The following CENPP variants were observed in gnomAD, a reference collection of about 807,000 sequenced individuals.
CENPP encodes centromere protein P.
CENPP carries 24 observed loss-of-function variants against 35.6 expected under a neutral mutation model. That is an observed-to-expected ratio of 0.67 (90% CI 0.49 to 0.95). The LOEUF (loss-of-function observed/expected upper bound fraction) is 0.95, where lower values mean the gene tolerates loss of function less well. Ranked by LOEUF, CENPP falls within the 40% of genes least tolerant of loss-of-function variation. The probability of loss-of-function intolerance (pLI) is 0.00; values close to 1 mark genes in which losing one functional copy is unlikely to be tolerated. For synonymous variants in CENPP, 120 were observed against 125.5 expected, an observed-to-expected ratio of 0.96 and a Z score of 0.29; for missense variants, 332 against 345.3, an observed-to-expected ratio of 0.96 and a Z score of 0.31.
chr9:92,618,350 G>A lies in CENPP; in HGVS notation c.*5201G>A, dbSNP rs1330457322. 1.5e-5 allele frequency: 7 copies of A among 456,442 alleles called. No homozygotes were observed. Among genetic ancestry groups the A allele is most frequent in the Non-Finnish European group, 2.2e-5 (5 of 226,934 alleles). The allele number at this position is 456,442 out of a possible 1,614,324, so 28.3% of individuals were successfully genotyped here. On this transcript the variant is annotated 3_prime_UTR_variant, in exon 8 of 8. Coordinates refer to ENST00000375587, the MANE Select transcript of CENPP (RefSeq NM_001012267.3). ...GCTGAGCAGCTGGTCGTAAGGACCC[G>A]GGCCTTCAGCTTTCCCCGCATGCTG...
At chr9:92,470,027 T>C (rs1845452710) in intron 5 of CENPP, among the ~76,000 whole-genome samples, 1 of 152,164 alleles carries the variant, frequency 6.6e-6, no homozygotes, top group Non-Finnish European at 1.5e-5. Context: ...TGGAGTCTTG[T>C]TGTGTTGCCC....
chr9:92,487,026 C>T (rs1482070041), intron 5 of CENPP, among the ~76,000 whole-genome samples: 1 of 152,200 alleles, frequency 6.6e-6, no homozygotes, highest in African/African-American at 2.4e-5. Context: ...AGGTGATCTG[C>T]TCGCCTCGGC....
chr9:92,513,525 AC>A (rs1261170731), intron 5 of CENPP, among the ~76,000 whole-genome samples: 2 of 152,110 alleles, frequency 1.3e-5, no homozygotes, highest in Non-Finnish European at 1.5e-5. Context: ...ATACATAATC[AC>A]CCCAAACTGG....
At chr9:92,561,331 G>A (rs961568218) in intron 5 of CENPP, among the ~76,000 whole-genome samples, 13 of 152,186 alleles carry the variant, frequency 8.5e-5, no homozygotes, top group African/African-American at 2.6e-4. Context: ...CCTTATTGTA[G>A]ATAATTCATG....
At chr9:92,580,092 G>C (rs1375611971) in intron 5 of CENPP, among the ~76,000 whole-genome samples, 2 of 151,894 alleles carry the variant, frequency 1.3e-5, no homozygotes, top group African/African-American at 2.4e-5. Flanking sequence ...CTGTTTATAT[G>C]CTGGATTACA....
chr9:92,567,403 T>TATATAGATAGATAGATAGATAG (rs1554688343), intron 5 of CENPP, among the ~76,000 whole-genome samples: 11 of 138,670 alleles, frequency 7.9e-5, no homozygotes, highest in South Asian at 2.2e-4. Context: ...TATAGATATA[T>TATATAGATAGATAGATAGATAG]ATATAAAGTG....
chr9:92,503,129 C>T (rs1846791815), intron 5 of CENPP, among the ~76,000 whole-genome samples: 1 of 152,108 alleles, frequency 6.6e-6, no homozygotes, highest in South Asian at 2.1e-4. Context: ...ATAAAACACA[C>T]TGCCATGGTT....
intron 5 of CENPP, among the ~76,000 whole-genome samples, chr9:92,519,986 A>G (rs899583273): frequency 7.0e-6 from 1 of 143,298 alleles, no homozygotes; most frequent in African/African-American, 2.8e-5. Flanking sequence ...TGCAATAAAA[A>G]AATGGGCAAA....
At chr9:92,363,841 TTTTTTGTTTTG>T (rs1841822599) in intron 4 of CENPP, among the ~76,000 whole-genome samples, 1 of 152,062 alleles carries the variant, frequency 6.6e-6, no homozygotes, top group African/African-American at 2.4e-5. Flanking sequence ...ATTGGGTTTT[TTTTTTGTTTTG>T]TTTTTGTTTT....
chr9:92,608,292 C>T (rs969452220), intron 5 of CENPP, among the ~76,000 whole-genome samples: 1 of 152,188 alleles, frequency 6.6e-6, no homozygotes, highest in African/African-American at 2.4e-5. Context: ...TGTGACACAT[C>T]TAAGGAGCTT....
intron 5 of CENPP, among the ~76,000 whole-genome samples, chr9:92,592,854 CAG>C (rs1479786316): frequency 2.6e-5 from 4 of 152,220 alleles, no homozygotes. Context: ...TGATGATGCA[CAG>C]TGCTGATTTT....
intron 5 of CENPP, among the ~76,000 whole-genome samples, chr9:92,408,713 A>G (rs1843371128): frequency 6.6e-6 from 1 of 152,114 alleles, no homozygotes; most frequent in Non-Finnish European, 1.5e-5. Context: ...TACCCACTAG[A>G]TGCTAGTAGT....
chr9:92,338,187 C>G (rs1351856603), intron 3 of CENPP, among the ~76,000 whole-genome samples: 1 of 152,080 alleles, frequency 6.6e-6, no homozygotes, highest in African/African-American at 2.4e-5. Context: ...TGGTGCGCAC[C>G]TGTGCTCCCA....
At chr9:92,495,946 T>C (rs1309006140) in intron 5 of CENPP, 43 of 986,614 alleles carry the variant, frequency 4.4e-5, no homozygotes, top group Non-Finnish European at 5.2e-5. Context: ...AACCAAAAGA[T>C]ACATAATTTT....
intron 5 of CENPP, among the ~76,000 whole-genome samples, chr9:92,388,294 T>C (rs182127856): frequency 6.6e-6 from 1 of 151,806 alleles, no homozygotes; most frequent in Non-Finnish European, 1.5e-5. Flanking sequence ...CCTGAGTAGC[T>C]GGGACTACAG....
At chr9:92,606,175 T>C (rs1024480667) in intron 5 of CENPP, among the ~76,000 whole-genome samples, 41 of 152,196 alleles carry the variant, frequency 2.7e-4, no homozygotes, top group African/African-American at 9.6e-4. Flanking sequence ...GGTGGGAGAA[T>C]TGCTTGAGCC....
chr9:92,567,826 C>T (rs1216506668), intron 5 of CENPP, among the ~76,000 whole-genome samples: 1 of 151,662 alleles, frequency 6.6e-6, no homozygotes, highest in African/African-American at 2.4e-5. Context: ...CCAAGGTAAG[C>T]ACAAAGCAAA....
chr9:92,382,677 A>G (rs1435034925), intron 5 of CENPP, among the ~76,000 whole-genome samples: 4 of 152,202 alleles, frequency 2.6e-5, no homozygotes, highest in South Asian at 2.1e-4. Flanking sequence ...TTGTTTTTAA[A>G]TATTACATAA....
intron 5 of CENPP, among the ~76,000 whole-genome samples, chr9:92,603,023 T>C (rs1426661095): frequency 6.6e-6 from 1 of 152,072 alleles, no homozygotes. Flanking sequence ...TCTCTTGACC[T>C]CGTGATCCGC....
Sources: allele counts gnomAD v4.1 joint callset (sites outside exome capture counted in the v4.1 genomes callset), GRCh38; gene constraint gnomAD v4.1.1; transcripts MANE v1.5; gene names NCBI Gene and HGNC (gene_info 2026-07-23, HGNC 2026-07-21).